TRPC3: variants seen among roughly 807,000 people sequenced by gnomAD.
TRPC3 encodes short transient receptor potential channel 3.
TRPC3 carries 54 observed loss-of-function variants against 90.9 expected under a neutral mutation model. That is an observed-to-expected ratio of 0.59 (90% CI 0.48 to 0.75). The LOEUF is 0.75. Ranked by LOEUF, TRPC3 falls within the 30% of genes least tolerant of loss-of-function variation. The pLI, the probability that TRPC3 is intolerant of heterozygous loss-of-function variation, is 0.00. For synonymous variants in TRPC3, 424 were observed against 450.9 expected (o/e 0.94, Z 0.75); for missense variants, 918 against 1,194.5 (o/e 0.77, Z 3.41).
At chr4:121,938,127 A>G (rs77448119) in intron 1 of TRPC3, among the ~76,000 whole-genome samples, 5,258 of 152,122 alleles carry the variant, frequency 0.035, 304 homozygotes, top group African/African-American at 0.12. Flanking sequence ...TTATCCACAG[A>G]GTTCTACCCA....
Position 121,880,941 on chromosome 4 carries a change from G to A in TRPC3, c.2624-1063C>T, listed in dbSNP as rs184689854. ...ACTCAGGAATACACACAAAACATTT[G>A]AGGAGCCCTTTTGTGGCAAAAAAAA... On this transcript the variant is annotated intron_variant, in intron 11 of 11. Coordinates refer to ENST00000379645, the MANE Select transcript of TRPC3 (RefSeq NM_001130698.2). Among the ~76,000 whole-genome samples the A allele has an allele frequency of 6.9e-4, 101 of 147,180 alleles. 2 individuals carry two copies. The Middle Eastern group carries it at 0.01, about 15-fold the overall frequency.
At chr4:121,945,151 T>C (rs748747954) in intron 1 of TRPC3, among the ~76,000 whole-genome samples, 8 of 152,248 alleles carry the variant, frequency 5.3e-5, no homozygotes, top group Non-Finnish European at 7.3e-5. Context: ...TGTAAGTTAC[T>C]ATCTACTCCA....
At chr4:121,949,707 G>A (rs1395151757) in intron 1 of TRPC3, among the ~76,000 whole-genome samples, 3 of 152,080 alleles carry the variant, frequency 2.0e-5, no homozygotes, top group Non-Finnish European at 4.4e-5. Context: ...AAATGACTGG[G>A]TCTTCTTCTC....
At chr4:121,915,918 T>C (rs533395684) in intron 3 of TRPC3, among the ~76,000 whole-genome samples, 2 of 152,282 alleles carry the variant, frequency 1.3e-5, no homozygotes, top group South Asian at 2.1e-4. Context: ...AAATCAACTA[T>C]GAGTGACAAC....
At chr4:121,882,302 A>G in intron 11 of TRPC3, 52 bp downstream of exon 11, 1 of 1,519,736 alleles carries the variant, frequency 6.6e-7, no homozygotes, top group Non-Finnish European at 8.9e-7. Flanking sequence ...TAAGTTTTCC[A>G]GGTTCATTAA....
intron 10 of TRPC3, among the ~76,000 whole-genome samples, chr4:121,895,276 GA>G (rs1163559820): frequency 6.6e-6 from 1 of 151,538 alleles, no homozygotes; most frequent in Non-Finnish European, 1.5e-5. Flanking sequence ...AAAAATGCTT[GA>G]AAAAAGCATG....
chr4:121,907,416 C>T lies in TRPC3; in HGVS notation c.1944G>A (p.Lys648=), dbSNP rs1728920358. The part of the protein sequence containing the change: ...PLQISLGRTV[K]DIFKFMVLFI... Reference sequence around the variant, plus strand: ...AGAGGACCATGAACTTGAATATGTCCTTTACAGTCCTTCCAAGAGAGATCT... The same window carrying T: ...AGAGGACCATGAACTTGAATATGTCTTTTACAGTCCTTCCAAGAGAGATCT... The change falls in exon 7 of 12, where the codon AAG becomes AAA. Residue 648 remains lysine (K), a synonymous_variant. Coordinates refer to ENST00000379645, the MANE Select transcript of TRPC3 (RefSeq NM_001130698.2). 1 of 1,613,290 alleles carries T rather than the reference C, an allele frequency of 6.2e-7. No individual in the cohort carries two copies. Among genetic ancestry groups the T allele is most frequent in the Non-Finnish European group, 8.5e-7 (1 of 1,179,576 alleles).
At chr4:121,936,018 T>C (rs1319118996) in intron 1 of TRPC3, among the ~76,000 whole-genome samples, 1 of 152,240 alleles carries the variant, frequency 6.6e-6, no homozygotes, top group Non-Finnish European at 1.5e-5. Context: ...AAGTCACATG[T>C]CATTTTTATT....
Position 121,875,275 on chromosome 4 carries a change from G to C in TRPC3, c.*4461C>G, listed in dbSNP as rs1360557150. On this transcript the variant is annotated 3_prime_UTR_variant, in exon 12 of 12. Transcript: ENST00000379645. ...ATTTATTTTAAAACAGTGAAATGAG[G>C]CTATGATATAGCATCAAAACAATAC... Among the ~76,000 whole-genome samples the C allele has an allele frequency of 2.6e-5, 4 of 152,062 alleles. No individual in the cohort carries two copies. The highest frequency in any genetic ancestry group is 9.7e-5 in the African/African-American group (4 of 41,414).
chr4:121,931,143 G>A (rs865970563), intron 2 of TRPC3, among the ~76,000 whole-genome samples: 2 of 152,104 alleles, frequency 1.3e-5, no homozygotes, highest in East Asian at 1.9e-4. Context: ...TTGCAACACC[G>A]GGGCAAAGTA....
At chr4:121,900,898 T>C (rs1560693357) in intron 9 of TRPC3, among the ~76,000 whole-genome samples, 1 of 152,172 alleles carries the variant, frequency 6.6e-6, no homozygotes, top group African/African-American at 2.4e-5. Context: ...CAGCATCTTC[T>C]CTGAGAAAAG....
At chr4:121,885,104 A>C (rs186765360) in intron 10 of TRPC3, among the ~76,000 whole-genome samples, 68 of 152,352 alleles carry the variant, frequency 4.5e-4, no homozygotes, top group Admixed American at 2.2e-3. Flanking sequence ...GAGCCTCTGC[A>C]CAAGGCAAGA....
chr4:121,923,426 C>T (rs1560708092), intron 3 of TRPC3, among the ~76,000 whole-genome samples: 1 of 152,180 alleles, frequency 6.6e-6, no homozygotes, highest in Admixed American at 6.5e-5. Flanking sequence ...ACTCCTCTTA[C>T]TAAGGACTTG....
chr4:121,902,903 C>T lies in TRPC3; in HGVS notation c.2412G>A (p.Arg804=), dbSNP rs998590871. The change falls in exon 9 of 12, where the codon AGG becomes AGA. Residue 804 remains arginine (R), a synonymous_variant. Transcript: ENST00000379645. ...TTTCTATATCCTTCTGAAGCCTTCT[C>T]CTTCTGCATTTGGGAAAGTTAACAA... ...MRIVNFPKCR[R]RRLQKDIEMG... is the part of the protein sequence containing the mutation. 7.4e-6 allele frequency: 12 copies of T among 1,613,382 alleles called. No individual in the cohort carries two copies. The highest frequency in any genetic ancestry group is 9.3e-6 in the Non-Finnish European group (11 of 1,179,684).
rs1472844841 is a variant in TRPC3, at chr4:121,878,324, A to C, written c.*1412T>G. 6.6e-6 allele frequency among the ~76,000 whole-genome samples: 1 copy of C among 152,226 alleles called. No individual in the cohort carries two copies. Among genetic ancestry groups the C allele is most frequent in the Non-Finnish European group, 1.5e-5 (1 of 68,038 alleles). On this transcript the variant is annotated 3_prime_UTR_variant, in exon 12 of 12. Transcript: ENST00000379645. ...AACACTTATTTCTGTCTTCATGTCT[A>C]AAGAGCTTTTCTGCATGATAGCAAT...
chr4:121,908,555 A>T (rs1728968340), intron 6 of TRPC3, among the ~76,000 whole-genome samples: 1 of 152,144 alleles, frequency 6.6e-6, no homozygotes, highest in African/African-American at 2.4e-5. Flanking sequence ...CACAAAAAAG[A>T]ACAAAAATCA....
chr4:121,946,898 G>A (rs1241994591), intron 1 of TRPC3, among the ~76,000 whole-genome samples: 2 of 152,102 alleles, frequency 1.3e-5, no homozygotes, highest in Non-Finnish European at 2.9e-5. Context: ...AAGGCCTCAA[G>A]GCTGGGTGGT....
chr4:121,896,693 ACTACTGTT>A (rs70950859), intron 10 of TRPC3, among the ~76,000 whole-genome samples: 41,592 of 151,762 alleles, frequency 0.27, 6,602 homozygotes, highest in East Asian at 0.43. Flanking sequence ...CAGAAGAATT[ACTACTGTT>A]AAAATGACAA....
At chr4:121,947,595 G>A (rs550252933) in intron 1 of TRPC3, among the ~76,000 whole-genome samples, 8 of 152,134 alleles carry the variant, frequency 5.3e-5, no homozygotes, top group African/African-American at 1.2e-4. Flanking sequence ...CCAGGGAAGC[G>A]TTAGAACATT....
Sources: allele counts gnomAD v4.1 joint callset (sites outside exome capture counted in the v4.1 genomes callset), GRCh38; gene constraint gnomAD v4.1.1; transcripts MANE v1.5; gene names NCBI Gene and HGNC (gene_info 2026-07-23, HGNC 2026-07-21).